Variants in COX10 observed in about 807,000 individuals in gnomAD.
COX10 encodes the protein cytochrome c oxidase assembly factor heme A:farnesyltransferase COX10.
A neutral mutation model predicts 37.3 loss-of-function variants in COX10; 27 were observed. The ratio of observed to expected loss-of-function variants is 0.72; its 90% CI spans 0.53 to 1.00. The LOEUF (loss-of-function observed/expected upper bound fraction) is 1.00. COX10 is among the 50% of genes least tolerant of loss of function. The pLI, the probability that COX10 is intolerant of heterozygous loss-of-function variation, is 0.00. For synonymous variants in COX10, 222 were observed against 229.1 expected, an observed-to-expected ratio of 0.97 and a Z score of 0.28; for missense variants, 475 against 563.2, an observed-to-expected ratio of 0.84 and a Z score of 1.59.
Position 14,159,975 on chromosome 17 carries a change from A to G in COX10, c.695+28A>G, listed in dbSNP as rs16949103. ...AAAATCACGAATACAAGTGTCTTCC[A>G]CATTATAAAACATTCATTTGCTTGT... is the stretch of plus-strand genomic sequence containing the variant. On this transcript the variant is annotated intron_variant, in intron 5 of 6. Coordinates refer to ENST00000261643, the MANE Select transcript of COX10 (RefSeq NM_001303.4). The G allele has an allele frequency of 0.029, 45,892 of 1,567,282 alleles. 1,362 individuals are homozygous for G. The highest frequency in any genetic ancestry group is 0.15 in the African/African-American group (11,169 of 74,098).
chr17:14,207,403 T>G lies in COX10; in HGVS notation c.*190T>G. 1.4e-6 allele frequency: 1 copy of G among 713,968 alleles called. No homozygotes were observed. The highest frequency in any genetic ancestry group is 2.2e-6 in the Non-Finnish European group (1 of 452,650). 44.2% of individuals were successfully genotyped at this position (713,968 alleles called of 1,614,324 possible). On this transcript the variant is annotated 3_prime_UTR_variant, in exon 7 of 7. Transcript: ENST00000261643. ...AAATGCTCCCCAAATAAGAAATGCATCAGCTCAGTCAGTGAATACAAAAAA... is the reference window on the plus strand; with the variant it reads ...AAATGCTCCCCAAATAAGAAATGCAGCAGCTCAGTCAGTGAATACAAAAAA...
intron 4 of COX10, among the ~76,000 whole-genome samples, chr17:14,137,589 C>T (rs1904411901): frequency 6.6e-6 from 1 of 151,764 alleles, no homozygotes; most frequent in Non-Finnish European, 1.5e-5. Flanking sequence ...AATAATTCTT[C>T]CCATGTGGGT....
chr17:14,159,999 G>T, intron 5 of COX10, 52 bp downstream of exon 5: 1 of 1,492,272 alleles, frequency 6.7e-7, no homozygotes, highest in Non-Finnish European at 9.3e-7. Context: ...TCATTTGCTT[G>T]TTCATCTGAA....
chr17:14,105,554 A>G (rs1025506750), intron 4 of COX10, among the ~76,000 whole-genome samples: 5 of 152,216 alleles, frequency 3.3e-5, no homozygotes, highest in African/African-American at 1.2e-4. Flanking sequence ...AGTAGGTGGT[A>G]TTCCTTCTAT....
In COX10 at chr17:14,079,917, T is replaced by A. The variant is rs1025227578; in HGVS notation, c.499+2861T>A. Among the ~76,000 whole-genome samples the A allele has an allele frequency of 3.3e-5, 5 of 151,988 alleles. No individual in the cohort carries two copies. In the East Asian group the frequency reaches 9.6e-4, roughly 29 times the overall value. The stretch of plus-strand genomic sequence containing the variant: ...AGTTTTGCAACATGCCATTTTCTTA[T>A]GACAGTATAGTTTTCACTGACAATA... On this transcript the variant is annotated intron_variant, in intron 3 of 6. Coordinates refer to ENST00000261643, the MANE Select transcript of COX10 (RefSeq NM_001303.4).
intron 2 of COX10, 37 bp from the exon 3 acceptor site, chr17:14,076,698 G>A (rs1192076215): frequency 1.9e-6 from 3 of 1,603,508 alleles, no homozygotes; most frequent in East Asian, 2.2e-5. Context: ...AGCATTTGGG[G>A]CCTTGGTTTT....
intron 5 of COX10, among the ~76,000 whole-genome samples, chr17:14,168,333 A>G (rs868067201): frequency 1.3e-5 from 2 of 152,146 alleles, no homozygotes; most frequent in Non-Finnish European, 2.9e-5. Context: ...GGCTGCTTTC[A>G]TGGGCTGCCA....
At chr17:14,122,255 A>G (rs1027315847) in intron 4 of COX10, among the ~76,000 whole-genome samples, 2 of 152,194 alleles carry the variant, frequency 1.3e-5, no homozygotes, top group Non-Finnish European at 2.9e-5. Context: ...TAACTTTATC[A>G]GTAAACAAAG....
intron 5 of COX10, among the ~76,000 whole-genome samples, chr17:14,180,339 AT>A (rs1458545204): frequency 6.6e-6 from 1 of 152,210 alleles, no homozygotes; most frequent in African/African-American, 2.4e-5. Flanking sequence ...CCTCAACTTA[AT>A]AATAGTGGTA....
At chr17:14,134,811 G>T (rs771700126) in intron 4 of COX10, among the ~76,000 whole-genome samples, 2 of 150,736 alleles carry the variant, frequency 1.3e-5, no homozygotes, top group Non-Finnish European at 3.0e-5. Context: ...TTTATTTAGA[G>T]ATCTTCATAG....
Position 14,105,947 on chromosome 17 carries a change from T to A in COX10, c.624+3705T>A, listed in dbSNP as rs556168093. Reference sequence around the variant, plus strand: ...ATCATACATATATATAGTTTGGGTATATTTTTTCATAAAATAGTATGTCAT... The same window carrying A: ...ATCATACATATATATAGTTTGGGTAAATTTTTTCATAAAATAGTATGTCAT... On this transcript the variant is annotated intron_variant, in intron 4 of 6. Coordinates refer to ENST00000261643, the MANE Select transcript of COX10 (RefSeq NM_001303.4). 4.6e-5 allele frequency among the ~76,000 whole-genome samples: 7 copies of A among 152,318 alleles called. No individual in the cohort carries two copies. The South Asian group carries it at 8.3e-4, about 18-fold the overall frequency.
At position 14,076,912 on chromosome 17, in the gene COX10, A is replaced by G. The variant is rs1307054917; in HGVS notation, c.355A>G (p.Ile119Val). 3.1e-6 allele frequency: 5 copies of G among 1,614,188 alleles called. No homozygotes were observed. In the East Asian group the frequency reaches 6.7e-5, roughly 22 times the overall value. Reference protein sequence around the residue: ...LSRKPNEKELIELEPDSVIED... With the variant: ...LSRKPNEKELVELEPDSVIED... ...CAGAAAGCCAAATGAAAAGGAATTG[A>G]TAGAACTAGAGCCAGACTCAGTAAT... The change falls in exon 3 of 7, where the codon ATA (isoleucine) becomes GTA (valine). Residue 119 changes from isoleucine (I) to valine (V), a missense_variant. Ile to Val is a conservative substitution (Grantham distance 29). This residue lies in a region of COX10 where 242 missense variants were observed against 242.5 expected (regional missense o/e 1.00). Transcript: ENST00000261643.
chr17:14,183,276 G>A (rs2142257376), intron 5 of COX10, among the ~76,000 whole-genome samples: 1 of 151,948 alleles, frequency 6.6e-6, no homozygotes, highest in African/African-American at 2.4e-5. Flanking sequence ...TTGCATGCGT[G>A]AGTGAATGAA....
chr17:14,128,799 A>G (rs1916398703), intron 4 of COX10, among the ~76,000 whole-genome samples: 1 of 152,224 alleles, frequency 6.6e-6, no homozygotes, highest in Non-Finnish European at 1.5e-5. Context: ...AACTTTAAGA[A>G]GAGCATATCT....
chr17:14,125,863 C>T (rs1199136223), intron 4 of COX10, among the ~76,000 whole-genome samples: 1 of 152,142 alleles, frequency 6.6e-6, no homozygotes, highest in Non-Finnish European at 1.5e-5. Context: ...ATAACTTGTT[C>T]TGTGGGTGAG....
At chr17:14,169,096 A>T (rs548371394) in intron 5 of COX10, among the ~76,000 whole-genome samples, 12 of 152,316 alleles carry the variant, frequency 7.9e-5, no homozygotes, top group Admixed American at 2.0e-4. Context: ...ACACCTTCAG[A>T]AAAAGCCAGG....
intron 4 of COX10, among the ~76,000 whole-genome samples, chr17:14,145,336 A>G (rs1365164720): frequency 6.6e-6 from 1 of 152,132 alleles, no homozygotes; most frequent in Non-Finnish European, 1.5e-5. Context: ...TTGTCCTATA[A>G]GGTGTCTTTT....
At position 14,102,215 on chromosome 17, in the gene COX10, A is replaced by G; in HGVS notation, c.597A>G (p.Ala199=). 6.2e-7 allele frequency: 1 copy of G among 1,613,704 alleles called. No individual in the cohort carries two copies. Among genetic ancestry groups the G allele is most frequent in the Non-Finnish European group, 8.5e-7 (1 of 1,179,726 alleles). The change falls in exon 4 of 7, where the codon GCA becomes GCG. Residue 199 remains alanine, a synonymous_variant. Transcript: ENST00000261643. The stretch of plus-strand genomic sequence containing the variant: ...TTACTTCTGTTGGGACAGGCCTTGC[A>G]TCCTGTGCTGCCAACTCCATCAATC... ...FLLTSVGTGL[A]SCAANSINQF... is the part of the protein sequence containing the mutation.
In COX10 at chr17:14,129,930, T is replaced by C. The variant is rs551509464; in HGVS notation, c.624+27688T>C. On this transcript the variant is annotated intron_variant, in intron 4 of 6. Coordinates refer to ENST00000261643, the MANE Select transcript of COX10 (RefSeq NM_001303.4). ...CTAGGAAACTCTACGGTCACAATAC[T>C]AAGAAATCCACATAAATTAGTTCAT... Among the ~76,000 whole-genome samples the C allele has an allele frequency of 3.9e-5, 6 of 152,300 alleles. No individual in the cohort carries two copies. In the South Asian group the frequency reaches 1.2e-3, roughly 32 times the overall value.
Sources: allele counts gnomAD v4.1 joint callset (sites outside exome capture counted in the v4.1 genomes callset), GRCh38; gene constraint gnomAD v4.1.1; regional missense constraint gnomAD v4.1.1; transcripts MANE v1.5; gene names NCBI Gene and HGNC (gene_info 2026-07-23, HGNC 2026-07-21).